Variants in VPS37B observed in about 807,000 individuals in gnomAD.
The protein encoded by VPS37B is VPS37B subunit of ESCRT-I, also known as vacuolar protein sorting-associated protein 37B.
VPS37B carries 11 observed loss-of-function variants against 21.2 expected under a neutral mutation model. The observed-to-expected ratio is 0.52, with a 90% CI of 0.33 to 0.86. The LOEUF (loss-of-function observed/expected upper bound fraction) is 0.86, where lower values mean the gene tolerates loss of function less well. VPS37B is among the 40% of genes least tolerant of loss of function. The probability of loss-of-function intolerance (pLI) is 0.03; values close to 1 mark genes in which losing one functional copy is unlikely to be tolerated. For synonymous variants in VPS37B, 175 were observed against 159.6 expected, an observed-to-expected ratio of 1.10 and a Z score of -0.73; for missense variants, 389 against 374.8, an observed-to-expected ratio of 1.04 and a Z score of -0.31.
At chr12:122,873,842 C>T (rs1361649303) in intron 1 of VPS37B, 1 of 152,224 alleles carries the variant, frequency 6.6e-6, no homozygotes, top group Non-Finnish European at 1.5e-5. Flanking sequence ...TTTGGCATCC[C>T]AAGCACTTTG....
rs373356948 is a variant in VPS37B at position 122,865,386 on chromosome 12, C to T, written c.*1730G>A. On this transcript the variant is annotated 3_prime_UTR_variant, in exon 4 of 4. Coordinates refer to ENST00000267202, the MANE Select transcript of VPS37B (RefSeq NM_024667.3). ...TCCTACAGCTTTACAGCCACAGCAC[C>T]GGACACGGCCCTGGACAGCGACGGC... 10 of 152,260 alleles carry T rather than the reference C, an allele frequency of 6.6e-5. No homozygotes were observed. Among genetic ancestry groups the T allele is most frequent in the Admixed American group, 2.6e-4 (4 of 15,290 alleles). 9.4% of individuals were successfully genotyped at this position (152,260 alleles called of 1,614,324 possible).
intron 1 of VPS37B, chr12:122,887,970 C>A (rs2034353652): frequency 6.6e-6 from 1 of 152,404 alleles, no homozygotes; most frequent in Non-Finnish European, 1.5e-5. Flanking sequence ...TTCGGAGTAG[C>A]TGGATTTACA....
chr12:122,867,057 G>C lies in VPS37B; in HGVS notation c.*59C>G. On this transcript the variant is annotated 3_prime_UTR_variant, in exon 4 of 4. Coordinates refer to ENST00000267202, the MANE Select transcript of VPS37B (RefSeq NM_024667.3). This position sits in a 1 kb window ranked among gnomAD's most constrained non-coding sequence, Gnocchi z 5.5. ...AGAGCGGACCTCCAGCCTCCTTCCC[G>C]TGAGCAGAGCACAACACGCCAGGTG... 6.9e-7 allele frequency: 1 copy of C among 1,459,086 alleles called. No homozygotes were observed. Among genetic ancestry groups the C allele is most frequent in the Non-Finnish European group, 9.0e-7 (1 of 1,106,392 alleles). 90.4% of individuals were successfully genotyped at this position (1,459,086 alleles called of 1,614,324 possible). A position where few individuals can be genotyped will look rare whatever the true frequency, so the allele number is the denominator to read the frequency against.
Position 122,870,983 on chromosome 12 carries a change from G to A in VPS37B, c.190C>T (p.Pro64Ser). The A allele has an allele frequency of 1.2e-6, 2 of 1,614,182 alleles. No individual in the cohort carries two copies. The highest frequency in any genetic ancestry group is 1.3e-5 in the African/African-American group (1 of 75,030). ...SLAEGNLLYQPQLDTLKARLT... is the reference protein window; with the variant it reads ...SLAEGNLLYQSQLDTLKARLT... The stretch of plus-strand genomic sequence containing the variant: ...CGTGCTTTCAACGTGTCCAGCTGGG[G>A]CTGGTACAAAAGGTTTCCTTCTGCC... The change falls in exon 2 of 4, where the codon CCC (proline) becomes TCC (serine). Residue 64 changes from proline to serine, a missense_variant. Pro to Ser is a moderately conservative substitution (Grantham distance 74). Transcript: ENST00000267202.
intron 1 of VPS37B, among the ~76,000 whole-genome samples, chr12:122,892,126 T>C (rs1469081387): frequency 6.6e-6 from 1 of 152,176 alleles, no homozygotes; most frequent in Non-Finnish European, 1.5e-5. Flanking sequence ...TCCACTGCCA[T>C]GTAAAAATAA....
Position 122,870,957 on chromosome 12 carries a change from G to A in VPS37B, c.216C>T (p.Arg72=). 6.2e-7 allele frequency: 1 copy of A among 1,614,200 alleles called. No homozygotes were observed. Among genetic ancestry groups the A allele is most frequent in the Non-Finnish European group, 8.5e-7 (1 of 1,180,038 alleles). ...GGAGTTCCTGGTATTTCTGGGTCAAGCGTGCTTTCAACGTGTCCAGCTGGG... is the reference window on the plus strand; with the variant it reads ...GGAGTTCCTGGTATTTCTGGGTCAAACGTGCTTTCAACGTGTCCAGCTGGG... ...YQPQLDTLKA[R]LTQKYQELQV... Residue 72 remains arginine, a synonymous_variant, in exon 2 of 4, where the codon CGC becomes CGT. Transcript: ENST00000267202.
chr12:122,895,591 A>T (rs966555341), intron 1 of VPS37B, among the ~76,000 whole-genome samples: 8 of 151,804 alleles, frequency 5.3e-5, no homozygotes, highest in African/African-American at 1.9e-4. Context: ...CAGGCTCCCT[A>T]ATCTCCACTT....
Position 122,867,274 on chromosome 12 carries a change from G to A in VPS37B, c.700C>T (p.Pro234Ser). 1.3e-6 allele frequency: 2 copies of A among 1,509,116 alleles called. No homozygotes were observed. The highest frequency in any genetic ancestry group is 2.0e-4 in the Middle Eastern group (1 of 5,098). 93.5% of individuals were successfully genotyped at this position (1,509,116 alleles called of 1,614,324 possible). ...GGCGGGCACTGTAATCCTGGGTACG[G>A]CACGGCCTGTCCCGAACTCATGGCC... The part of the protein sequence containing the change: ...TAAMSSGQAV[P>S]YPGLQCPPLP... Residue 234 changes from proline (P) to serine (S), a missense_variant, in exon 4 of 4, where the codon CCG becomes TCG. Coordinates refer to ENST00000267202, the MANE Select transcript of VPS37B (RefSeq NM_024667.3). The surrounding 1 kb of genome is among the most constrained non-coding windows in gnomAD (Gnocchi z 5.5).
At chr12:122,870,815 C>G (rs1319193611) in intron 2 of VPS37B, 75 bp downstream of exon 2, 1 of 1,495,582 alleles carries the variant, frequency 6.7e-7, no homozygotes, top group Non-Finnish European at 9.0e-7. Flanking sequence ...TATTTCTTTC[C>G]TGGTAGGGCA....
At position 122,868,647 on chromosome 12, in the gene VPS37B, T is replaced by C; in HGVS notation, c.284-85A>G. The C allele has an allele frequency of 8.4e-7, 1 of 1,191,888 alleles. No individual in the cohort carries two copies. Among genetic ancestry groups the C allele is most frequent in the Non-Finnish European group, 1.2e-6 (1 of 825,724 alleles). 73.8% of individuals were successfully genotyped at this position (1,191,888 alleles called of 1,614,324 possible). A position where few individuals can be genotyped will look rare whatever the true frequency, so the allele number is the denominator to read the frequency against. ...ATGCCAACCACGGCAGGATTGCACC[T>C]TCCTTTCCAGGAAGCTGAATGTGAA... On this transcript the variant is annotated intron_variant, in intron 2 of 3. Transcript: ENST00000267202. The surrounding 1 kb of genome is among the most constrained non-coding windows in gnomAD (Gnocchi z 5.5).
At chr12:122,878,625 C>T (rs2034197064) in intron 1 of VPS37B, 1 of 142,808 alleles carries the variant, frequency 7.0e-6, no homozygotes. Flanking sequence ...AATCCAATGA[C>T]AAGAGTCCTT....
Position 122,868,448 on chromosome 12 carries a change from C to A in VPS37B, c.366+32G>T. ...GGGCCCACGGACTGCCCAAAGCGCC[C>A]CAAGGATTCCACCAAGGCTGGTGGG... On this transcript the variant is annotated intron_variant, in intron 3 of 3. Coordinates refer to ENST00000267202, the MANE Select transcript of VPS37B (RefSeq NM_024667.3). The surrounding 1 kb of genome is among the most constrained non-coding windows in gnomAD (Gnocchi z 5.5). The A allele has an allele frequency of 6.2e-7, 1 of 1,605,464 alleles. No homozygotes were observed. Among genetic ancestry groups the A allele is most frequent in the South Asian group, 1.1e-5 (1 of 89,806 alleles).
intron 1 of VPS37B, chr12:122,877,384 T>C (rs2034169945): frequency 6.6e-6 from 1 of 152,212 alleles, no homozygotes; most frequent in Non-Finnish European, 1.5e-5. Flanking sequence ...ATCTTTATTG[T>C]CATTTTTTAT....
At chr12:122,871,111 A>T (rs765537454) in intron 1 of VPS37B, 50 bp from the exon 2 acceptor site, 22 of 1,600,268 alleles carry the variant, frequency 1.4e-5, no homozygotes, top group Non-Finnish European at 8.5e-7. Context: ...TCAGCTCCTA[A>T]ACCCCTGAGG....
chr12:122,870,949 T>C lies in VPS37B; in HGVS notation c.224A>G (p.Gln75Arg). 1 of 1,614,218 alleles carries C rather than the reference T, an allele frequency of 6.2e-7. No homozygotes were observed. Among genetic ancestry groups the C allele is most frequent in the Non-Finnish European group, 8.5e-7 (1 of 1,180,036 alleles). Reference sequence around the variant, plus strand: ...GAGAACCTGGAGTTCCTGGTATTTCTGGGTCAAGCGTGCTTTCAACGTGTC... The same window carrying C: ...GAGAACCTGGAGTTCCTGGTATTTCCGGGTCAAGCGTGCTTTCAACGTGTC... The part of the protein sequence containing the change: ...QLDTLKARLT[Q>R]KYQELQVLFE... Residue 75 changes from glutamine to arginine, a missense_variant, in exon 2 of 4, where the codon CAG becomes CGG. Coordinates refer to ENST00000267202, the MANE Select transcript of VPS37B (RefSeq NM_024667.3).
intron 1 of VPS37B, chr12:122,872,266 G>A: frequency 1.0e-6 from 1 of 985,440 alleles, no homozygotes; most frequent in Non-Finnish European, 1.2e-6. Context: ...AAAGAAAGAA[G>A]CCCTTGGATC....
At chr12:122,888,654 A>G (rs1352892663) in intron 1 of VPS37B, 2 of 453,788 alleles carry the variant, frequency 4.4e-6, no homozygotes, top group Non-Finnish European at 8.9e-6. Context: ...CAAACAGTGC[A>G]GTCTACTTCT....
rs2034035455 is a variant in VPS37B, at chr12:122,871,585, CCT to C, written c.112-526_112-525del. 13 of 985,562 alleles carry C rather than the reference CCT, an allele frequency of 1.3e-5. No individual in the cohort carries two copies. In the South Asian group the frequency reaches 3.3e-4, roughly 25 times the overall value. 61.1% of individuals were successfully genotyped at this position (985,562 alleles called of 1,614,324 possible). A position where few individuals can be genotyped will look rare whatever the true frequency, so the allele number is the denominator to read the frequency against. On this transcript the variant is annotated intron_variant, in intron 1 of 3. Coordinates refer to ENST00000267202, the MANE Select transcript of VPS37B (RefSeq NM_024667.3). ...AACTGTGTTTCCAGCCACCGGGGTT[CCT>C]CTGTCTCTCCCATGCCCACCCCAGC... is the stretch of plus-strand genomic sequence containing the variant.
At chr12:122,885,269 AG>A in intron 1 of VPS37B, 1 of 152,260 alleles carries the variant, frequency 6.6e-6, no homozygotes, top group East Asian at 1.9e-4. Flanking sequence ...AAAAAAAAAA[AG>A]TTAAATGTTG....
Sources: allele counts gnomAD v4.1 joint callset (sites outside exome capture counted in the v4.1 genomes callset), GRCh38; gene constraint gnomAD v4.1.1; non-coding constraint Gnocchi (gnomAD v3.1); transcripts MANE v1.5; gene names NCBI Gene and HGNC (gene_info 2026-07-23, HGNC 2026-07-21).